Variants in MAJIN observed in about 807,000 individuals in gnomAD.
The protein encoded by MAJIN is membrane anchored junction protein, also known as membrane-anchored junction protein.
In MAJIN, 27 loss-of-function variants were observed where a neutral mutation model predicts 30.2. That is an observed-to-expected ratio of 0.89 (90% CI 0.66 to 1.23). The LOEUF is 1.23. Ranked by LOEUF, MAJIN falls within the 50% of genes most tolerant of loss-of-function variation. The pLI, the probability that MAJIN is intolerant of heterozygous loss-of-function variation, is 0.00. For missense variants in MAJIN, 253 were observed against 260.3 expected (o/e 0.97, Z 0.19); for synonymous variants, 78 against 91.6 (o/e 0.85, Z 0.85).
intron 8 of MAJIN, among the ~76,000 whole-genome samples, chr11:64,944,888 G>C (rs934200244): frequency 1.6e-4 from 24 of 152,126 alleles, no homozygotes; most frequent in Non-Finnish European, 3.4e-4. Context: ...CTATTTTAGA[G>C]AATATATAGA....
chr11:64,945,974 T>G, intron 8 of MAJIN: 1 of 1,001,514 alleles, frequency 1.0e-6, no homozygotes, highest in East Asian at 2.8e-5. Context: ...GTCAATTCAA[T>G]CTGCACGAAA....
chr11:64,955,119 A>C (rs987868941), intron 3 of MAJIN, among the ~76,000 whole-genome samples: 4 of 152,236 alleles, frequency 2.6e-5, no homozygotes, highest in African/African-American at 9.6e-5. Context: ...AACTATTTTC[A>C]TAATAATACT....
chr11:64,957,328 C>T (rs1292175158), intron 3 of MAJIN, among the ~76,000 whole-genome samples: 2 of 152,162 alleles, frequency 1.3e-5, no homozygotes, highest in African/African-American at 4.8e-5. Flanking sequence ...AATCCTCCCA[C>T]TTGAGCCTCC....
chr11:64,968,265 A>C (rs1945842729), intron 1 of MAJIN, among the ~76,000 whole-genome samples: 1 of 152,052 alleles, frequency 6.6e-6, no homozygotes, highest in South Asian at 2.1e-4. Flanking sequence ...TAAATATCTA[A>C]ATATCTATTC....
chr11:64,942,316 T>C (rs1339659110), intron 8 of MAJIN, among the ~76,000 whole-genome samples: 1 of 151,720 alleles, frequency 6.6e-6, no homozygotes. Flanking sequence ...GGGGAGTGAG[T>C]GGTGTCTGGT....
At chr11:64,969,544 A>G (rs759786667) in intron 1 of MAJIN, among the ~76,000 whole-genome samples, 25 of 152,106 alleles carry the variant, frequency 1.6e-4, no homozygotes, top group Non-Finnish European at 2.9e-4. Flanking sequence ...AACCCGGAAC[A>G]AGAACAGATG....
At chr11:64,966,630 A>G (rs555019752) in intron 1 of MAJIN, among the ~76,000 whole-genome samples, 2 of 152,240 alleles carry the variant, frequency 1.3e-5, no homozygotes, top group Admixed American at 6.5e-5. Context: ...GATATTAAGG[A>G]GATAAGAATT....
chr11:64,946,429 C>G (rs1945453334), intron 8 of MAJIN, among the ~76,000 whole-genome samples: 1 of 152,158 alleles, frequency 6.6e-6, no homozygotes, highest in African/African-American at 2.4e-5. Flanking sequence ...TGCATCAAAA[C>G]CCAGAGAAAG....
At chr11:64,957,070 T>C (rs1283819512) in intron 3 of MAJIN, among the ~76,000 whole-genome samples, 2 of 143,318 alleles carry the variant, frequency 1.4e-5, no homozygotes, top group Non-Finnish European at 3.0e-5. Context: ...CCTGGCCTGA[T>C]TTTTTTTTTC....
chr11:64,953,061 G>C (rs1201522443), intron 4 of MAJIN, among the ~76,000 whole-genome samples: 1 of 152,120 alleles, frequency 6.6e-6, no homozygotes, highest in Non-Finnish European at 1.5e-5. Context: ...CCCCAAACTA[G>C]TGAGCATAAG....
chr11:64,947,670 T>C, intron 7 of MAJIN, 118 bp downstream of exon 7: 2 of 1,178,858 alleles, frequency 1.7e-6, no homozygotes, highest in South Asian at 1.2e-5. Flanking sequence ...TTTACAATTC[T>C]GACTGGACCT....
rs1406057166 is a variant in MAJIN at position 64,959,440 on chromosome 11, A to T, written c.-17-18T>A. 6.4e-7 allele frequency: 1 copy of T among 1,572,736 alleles called. No individual in the cohort carries two copies. ...ACGATAGCCTAAATAAAATAGAAAGAGAATTACTAAAAAGCTAACGATTGT... is the reference window on the plus strand; with the variant it reads ...ACGATAGCCTAAATAAAATAGAAAGTGAATTACTAAAAAGCTAACGATTGT... On this transcript the variant is annotated intron_variant, in intron 2 of 10. Transcript: ENST00000301896.
At chr11:64,963,421 T>C (rs536313917) in intron 1 of MAJIN, among the ~76,000 whole-genome samples, 1 of 152,306 alleles carries the variant, frequency 6.6e-6, no homozygotes, top group East Asian at 1.9e-4. Context: ...GATAATAATA[T>C]TGACTACTGA....
chr11:64,957,653 C>G (rs1210871774), intron 3 of MAJIN, among the ~76,000 whole-genome samples: 1 of 151,550 alleles, frequency 6.6e-6, no homozygotes, highest in Non-Finnish European at 1.5e-5. Flanking sequence ...ATCTGCCTGA[C>G]TTGGCCTCCC....
At chr11:64,946,104 C>G (rs1471072303) in intron 8 of MAJIN, 2 of 1,535,200 alleles carry the variant, frequency 1.3e-6, no homozygotes, top group Non-Finnish European at 1.7e-6. Context: ...CTGGTTTCCA[C>G]AGGGGGCTTC....
At chr11:64,959,569 G>C (rs529276250) in intron 2 of MAJIN, 147 bp from the exon 3 acceptor site, 2 of 620,284 alleles carry the variant, frequency 3.2e-6, no homozygotes, top group Non-Finnish European at 5.6e-6. Context: ...TCATCACTTG[G>C]AACATTCTCC....
intron 1 of MAJIN, among the ~76,000 whole-genome samples, chr11:64,966,164 AAGC>A (rs1438849033): frequency 1.3e-5 from 2 of 150,750 alleles, no homozygotes; most frequent in Non-Finnish European, 3.0e-5. Flanking sequence ...AAAAAAAAAA[AAGC>A]AGCAGCAGCA....
chr11:64,946,860 A>C (rs1175762121), intron 8 of MAJIN, among the ~76,000 whole-genome samples: 1 of 152,196 alleles, frequency 6.6e-6, no homozygotes, highest in Non-Finnish European at 1.5e-5. Flanking sequence ...GGATGTACTC[A>C]ACATTCCCCC....
At chr11:64,958,185 C>CG (rs914722901) in intron 3 of MAJIN, among the ~76,000 whole-genome samples, 4 of 39,212 alleles carry the variant, frequency 1.0e-4, no homozygotes, top group South Asian at 1.1e-3. Context: ...TCATGATTCA[C>CG]CCCCCCGCCC....
Sources: allele counts gnomAD v4.1 joint callset (sites outside exome capture counted in the v4.1 genomes callset), GRCh38; gene constraint gnomAD v4.1.1; transcripts MANE v1.5; gene names NCBI Gene and HGNC (gene_info 2026-07-23, HGNC 2026-07-21).